The following DSG1 variants were observed in gnomAD, a reference collection of about 807,000 sequenced individuals.
DSG1 encodes desmoglein-1.
DSG1 carries 39 observed loss-of-function variants against 97.5 expected under a neutral mutation model. That is an observed-to-expected ratio of 0.40 (90% CI 0.31 to 0.52). DSG1 has a LOEUF of 0.52. Among genes scored for constraint, DSG1 ranks in the 20% least tolerant of loss-of-function variants. The pLI, the probability that DSG1 is intolerant of heterozygous loss-of-function variation, is 0.53. For synonymous variants in DSG1, 475 were observed against 443.4 expected (o/e 1.07, Z -0.90); for missense variants, 1,311 against 1,295.4 (o/e 1.01, Z -0.18).
At chr18:31,327,426 A>C (rs1421265841) in intron 3 of DSG1, among the ~76,000 whole-genome samples, 1 of 151,912 alleles carries the variant, frequency 6.6e-6, no homozygotes, top group African/African-American at 2.4e-5. Flanking sequence ...CCCCTTTTCT[A>C]TTCATTTTTC....
chr18:31,341,339 A>G (rs531564425), intron 11 of DSG1, among the ~76,000 whole-genome samples: 55 of 152,342 alleles, frequency 3.6e-4, no homozygotes, highest in African/African-American at 1.3e-3. Flanking sequence ...GCTTATGTAT[A>G]AAATATCTTT....
intron 14 of DSG1, 112 bp downstream of exon 14, chr18:31,346,310 A>T: frequency 1.1e-6 from 1 of 903,964 alleles, no homozygotes; most frequent in Non-Finnish European, 1.8e-6. Context: ...CTAGATTCTC[A>T]GCCTTTAGTT....
At chr18:31,319,058 C>T (rs767257956) in intron 1 of DSG1, among the ~76,000 whole-genome samples, 3 of 151,988 alleles carry the variant, frequency 2.0e-5, no homozygotes, top group Non-Finnish European at 4.4e-5. Context: ...GTGATGACTG[C>T]GATATAAAAG....
At chr18:31,322,727 C>T (rs953023174) in intron 1 of DSG1, among the ~76,000 whole-genome samples, 1 of 152,070 alleles carries the variant, frequency 6.6e-6, no homozygotes, top group African/African-American at 2.4e-5. Context: ...GAATGCTTAA[C>T]AAAAACGTAA....
chr18:31,329,762 A>G, intron 4 of DSG1, 130 bp from the exon 5 acceptor site: 1 of 1,152,200 alleles, frequency 8.7e-7, no homozygotes, highest in Non-Finnish European at 1.3e-6. Context: ...GACTGTAAGT[A>G]GGGCTTGTGC....
chr18:31,329,806 T>A, intron 4 of DSG1, 86 bp from the exon 5 acceptor site: 1 of 1,501,008 alleles, frequency 6.7e-7, no homozygotes, highest in Non-Finnish European at 9.2e-7. Flanking sequence ...ATTCTTTTAA[T>A]TCGCCACAGT....
At position 31,354,411 on chromosome 18, in the gene DSG1, A is replaced by T. The variant is rs78995670; in HGVS notation, c.2215A>T (p.Ile739Phe). Residue 739 changes from isoleucine to phenylalanine, a missense_variant, in exon 15 of 15, where the codon ATT (isoleucine) becomes TTT (phenylalanine). Physicochemically the swap from Ile to Phe is conservative, Grantham distance 21 (BLOSUM62 0). Transcript: ENST00000257192. ...PAGSVGCCSF[I>F]GEDLDDSFLD... ...TGGCTCTGTGGGTTGTTGTAGCTTC[A>T]TTGGAGAAGACCTGGATGACAGCTT... is the stretch of plus-strand genomic sequence containing the variant. 3.1e-6 allele frequency: 5 copies of T among 1,614,190 alleles called. No individual in the cohort carries two copies. Among genetic ancestry groups the T allele is most frequent in the East Asian group, 2.2e-5 (1 of 44,880 alleles).
At position 31,358,172 on chromosome 18, in the gene DSG1, A is replaced by T. The variant is rs544090980; in HGVS notation, c.*2826A>T. 3.0e-4 allele frequency among the ~76,000 whole-genome samples: 46 copies of T among 152,128 alleles called. No homozygotes were observed. Among genetic ancestry groups the T allele is most frequent in the Middle Eastern group, 3.5e-3 (1 of 288 alleles). ...CTATGTATGTATGGTTTGAAAACAAACCACAATGTTTATAAAATATCTATC... is the reference window on the plus strand; with the variant it reads ...CTATGTATGTATGGTTTGAAAACAATCCACAATGTTTATAAAATATCTATC... On this transcript the variant is annotated 3_prime_UTR_variant, in exon 15 of 15. Coordinates refer to ENST00000257192, the MANE Select transcript of DSG1 (RefSeq NM_001942.4).
chr18:31,335,928 G>A (rs2071749045), intron 8 of DSG1, among the ~76,000 whole-genome samples: 1 of 151,462 alleles, frequency 6.6e-6, no homozygotes, highest in African/African-American at 2.4e-5. Flanking sequence ...TAGTTCTTAT[G>A]GATAAAACCA....
intron 4 of DSG1, 137 bp downstream of exon 4, chr18:31,328,481 C>A: frequency 1.2e-6 from 1 of 828,878 alleles, no homozygotes; most frequent in Non-Finnish European, 1.9e-6. Context: ...CACGAGCATC[C>A]CACGACTGAA....
rs748648648 is a variant in DSG1 at position 31,333,656 on chromosome 18, C to T, written c.752C>T (p.Ala251Val). ...DRDGGADGMS[A>V]ECECNIKILD... ...GATGGCGGGGCAGATGGCATGTCAG[C>T]GGAATGTGAGTGCAACATTAAAATC... Residue 251 changes from alanine (A) to valine (V), a missense_variant, in exon 7 of 15, where the codon GCG becomes GTG. Physicochemically the swap from Ala to Val is moderately conservative, Grantham distance 64. This residue lies in a region of DSG1 where 14 missense variants were observed against 26.7 expected (regional missense o/e 0.52). Coordinates refer to ENST00000257192, the MANE Select transcript of DSG1 (RefSeq NM_001942.4). 7 of 1,613,616 alleles carry T rather than the reference C, an allele frequency of 4.3e-6. No homozygotes were observed. Among genetic ancestry groups the T allele is most frequent in the East Asian group, 2.2e-5 (1 of 44,878 alleles).
rs187168845 is a variant in DSG1, at chr18:31,358,598, C to T, written c.*3252C>T. Reference sequence around the variant, plus strand: ...TGAATTTATACCAATGTTTGATTGTCATGGTACAAAATATATGACACCCTT... The same window carrying T: ...TGAATTTATACCAATGTTTGATTGTTATGGTACAAAATATATGACACCCTT... On this transcript the variant is annotated 3_prime_UTR_variant, in exon 15 of 15. Transcript: ENST00000257192. Among the ~76,000 whole-genome samples, 748 of 152,072 alleles carry T rather than the reference C, an allele frequency of 4.9e-3. 6 individuals are homozygous for T. Among genetic ancestry groups the T allele is most frequent in the African/African-American group, 0.017 (719 of 41,506 alleles).
At chr18:31,324,342 T>C (rs1278134754) in intron 1 of DSG1, among the ~76,000 whole-genome samples, 2 of 151,946 alleles carry the variant, frequency 1.3e-5, no homozygotes, top group African/African-American at 4.8e-5. Flanking sequence ...TCTATAAATG[T>C]AGGAACTCTT....
intron 1 of DSG1, among the ~76,000 whole-genome samples, chr18:31,320,038 A>G (rs7234662): frequency 0.4 from 60,647 of 151,896 alleles, 13,313 homozygotes; most frequent in Non-Finnish European, 0.49. Flanking sequence ...ATGAATTACA[A>G]TGTTTCATTT....
chr18:31,329,165 G>A (rs2071705167), intron 4 of DSG1, among the ~76,000 whole-genome samples: 1 of 152,016 alleles, frequency 6.6e-6, no homozygotes, highest in African/African-American at 2.4e-5. Flanking sequence ...CCACTTACTT[G>A]GAGAATCATT....
intron 5 of DSG1, 50 bp downstream of exon 5, chr18:31,330,086 C>A (rs1226711064): frequency 6.3e-7 from 1 of 1,597,818 alleles, no homozygotes; most frequent in East Asian, 2.2e-5. Context: ...AGGCACCTAA[C>A]TGGAGACTAA....
At chr18:31,353,357 C>T (rs1352853804) in intron 14 of DSG1, among the ~76,000 whole-genome samples, 1 of 150,922 alleles carries the variant, frequency 6.6e-6, no homozygotes, top group African/African-American at 2.5e-5. Flanking sequence ...GCTGGGAGAA[C>T]CACTGCTCTC....
chr18:31,338,709 C>G (rs2071770303), intron 10 of DSG1, among the ~76,000 whole-genome samples: 1 of 152,090 alleles, frequency 6.6e-6, no homozygotes, highest in Admixed American at 6.5e-5. Context: ...GTTATTTAAT[C>G]CATCTATAGC....
intron 1 of DSG1, among the ~76,000 whole-genome samples, chr18:31,320,608 G>A (rs1477472921): frequency 1.3e-5 from 2 of 152,160 alleles, no homozygotes; most frequent in Non-Finnish European, 2.9e-5. Context: ...CAAGTCTCCT[G>A]GACAGGCAAG....
Sources: allele counts gnomAD v4.1 joint callset (sites outside exome capture counted in the v4.1 genomes callset), GRCh38; gene constraint gnomAD v4.1.1; regional missense constraint gnomAD v4.1.1; transcripts MANE v1.5; gene names NCBI Gene and HGNC (gene_info 2026-07-23, HGNC 2026-07-21).